ZNF730: variants seen among roughly 807,000 people sequenced by gnomAD.
The protein encoded by ZNF730 is putative zinc finger protein 730.
ZNF730 carries 12 observed loss-of-function variants against 12.6 expected under a neutral mutation model. That is an observed-to-expected ratio of 0.95 (90% confidence interval 0.61 to 1.54). The LOEUF (loss-of-function observed/expected upper bound fraction) is 1.54. Among genes scored for constraint, ZNF730 ranks in the 40% most tolerant of loss-of-function variants. The pLI is 0.00. For missense variants in ZNF730, 643 were observed against 583.5 expected (o/e 1.10, Z -1.05); for synonymous variants, 194 against 195.8 (o/e 0.99, Z 0.08).
upstream of ZNF730, among the ~76,000 whole-genome samples, chr19:23,112,735 G>GAA (rs35045584): frequency 1.0e-4 from 14 of 140,398 alleles, no homozygotes; most frequent in African/African-American, 3.3e-4. Flanking sequence ...AAAAATAGAA[G>GAA]AAAAAAAAAA....
At chr19:23,112,347 T>C (rs1408318649), upstream of ZNF730, among the ~76,000 whole-genome samples, 1 of 152,214 alleles carries the variant, frequency 6.6e-6, no homozygotes, top group African/African-American at 2.4e-5. Flanking sequence ...AAAGCATCTT[T>C]TGTGTGCACT....
At chr19:23,121,780 T>C (rs978668530) in intron 1 of ZNF730, among the ~76,000 whole-genome samples, 10 of 152,240 alleles carry the variant, frequency 6.6e-5, no homozygotes, top group Non-Finnish European at 1.5e-4. Flanking sequence ...TCTACTGAAG[T>C]TCAGATGTCC....
chr19:23,119,932 T>C (rs946442669), intron 1 of ZNF730, among the ~76,000 whole-genome samples: 1 of 152,126 alleles, frequency 6.6e-6, no homozygotes, highest in African/African-American at 2.4e-5. Flanking sequence ...TACTTGTTTT[T>C]CTTTGTACAT....
intron 3 of ZNF730, chr19:23,143,559 T>A (rs1970959492): frequency 6.6e-6 from 1 of 152,264 alleles, no homozygotes; most frequent in Non-Finnish European, 1.5e-5. Flanking sequence ...TGAATCCTTT[T>A]ATTTTCCGTT....
At chr19:23,142,081 AAC>A (rs1216926545) in intron 3 of ZNF730, among the ~76,000 whole-genome samples, 4 of 152,218 alleles carry the variant, frequency 2.6e-5, no homozygotes, top group African/African-American at 9.6e-5. Context: ...CATACACAGA[AAC>A]ACACGTGTAT....
chr19:23,108,837 C>G (rs145783176), intron 1 of ZNF730, among the ~76,000 whole-genome samples: 6 of 151,292 alleles, frequency 4.0e-5, no homozygotes, highest in African/African-American at 1.2e-4. Flanking sequence ...GCAACCTCTG[C>G]CTCCCAGGTT....
chr19:23,093,573 C>T (rs576681263), intron 1 of ZNF730, among the ~76,000 whole-genome samples: 28 of 152,278 alleles, frequency 1.8e-4, no homozygotes, highest in Admixed American at 1.4e-3. Context: ...GCTTGATCCC[C>T]GGGCTGGGAC....
intron 1 of ZNF730, among the ~76,000 whole-genome samples, chr19:23,097,562 T>C (rs1970274199): frequency 6.6e-6 from 1 of 152,142 alleles, no homozygotes; most frequent in South Asian, 2.1e-4. Context: ...ATTTGTCTCC[T>C]GCCTACACCC....
rs554609872 is a variant in ZNF730 at position 23,121,576 on chromosome 19, G to C, written c.3+4400G>C. On this transcript the variant is annotated intron_variant, in intron 1 of 3. Transcript: ENST00000597761. ...AGGCTGGTCTTGAACTCCTGACCTC[G>C]TGATCCACCTGCCTCAGCCTCCCAA... 4.6e-5 allele frequency among the ~76,000 whole-genome samples: 7 copies of C among 152,214 alleles called. No individual in the cohort carries two copies. The South Asian group carries it at 1.5e-3, about 32-fold the overall frequency.
At chr19:23,129,981 G>A (rs1382496209) in intron 1 of ZNF730, among the ~76,000 whole-genome samples, 7 of 143,648 alleles carry the variant, frequency 4.9e-5, no homozygotes, top group African/African-American at 7.9e-5. Context: ...GTGCTGGAGC[G>A]AGACTCCGCC....
At chr19:23,099,851 CAT>C (rs1970308838) in intron 1 of ZNF730, among the ~76,000 whole-genome samples, 2 of 152,152 alleles carry the variant, frequency 1.3e-5, no homozygotes, top group African/African-American at 2.4e-5. Context: ...TACCCAGTGA[CAT>C]ATTAGGGGAC....
intron 1 of ZNF730, among the ~76,000 whole-genome samples, chr19:23,098,694 A>G (rs1168446687): frequency 6.6e-6 from 1 of 152,080 alleles, no homozygotes; most frequent in East Asian, 1.9e-4. Flanking sequence ...CCATTGGTTG[A>G]GAACTCAGGT....
chr19:23,076,953 T>C (rs1969872256), intron 1 of ZNF730, among the ~76,000 whole-genome samples: 1 of 152,144 alleles, frequency 6.6e-6, no homozygotes, highest in South Asian at 2.1e-4. Flanking sequence ...CTATCAATGA[T>C]AGACTCAATA....
intron 1 of ZNF730, among the ~76,000 whole-genome samples, chr19:23,089,990 G>A (rs530849206): frequency 6.6e-6 from 1 of 152,310 alleles, no homozygotes; most frequent in South Asian, 2.1e-4. Context: ...GCTCATGCCT[G>A]TAATCCCAGC....
chr19:23,137,879 T>C (rs1970855508), intron 3 of ZNF730, among the ~76,000 whole-genome samples: 1 of 152,216 alleles, frequency 6.6e-6, no homozygotes, highest in African/African-American at 2.4e-5. Flanking sequence ...CATTATATTT[T>C]TGGGCAGAGT....
intron 1 of ZNF730, among the ~76,000 whole-genome samples, chr19:23,094,423 ATAGATAGGTAGGTAGG>A (rs1970215831): frequency 6.6e-6 from 1 of 150,702 alleles, no homozygotes; most frequent in Non-Finnish European, 1.5e-5. Flanking sequence ...TGGGCACTCT[ATAGATAGGTAGGTAGG>A]TAGGTGGTAG....
chr19:23,101,989 G>T (rs1970340825), intron 1 of ZNF730, among the ~76,000 whole-genome samples: 1 of 152,086 alleles, frequency 6.6e-6, no homozygotes, highest in Non-Finnish European at 1.5e-5. Context: ...TTTTGCCTGT[G>T]CCCTAACTAT....
chr19:23,127,809 G>T, intron 1 of ZNF730: 1 of 706,934 alleles, frequency 1.4e-6, no homozygotes, highest in East Asian at 2.5e-5. Context: ...TGCTCCACAG[G>T]ATGATAGTTT....
At position 23,146,195 on chromosome 19, in the gene ZNF730, C is replaced by G. The variant is rs758848157; in HGVS notation, c.1151C>G (p.Thr384Ser). 1.9e-6 allele frequency: 3 copies of G among 1,609,248 alleles called. No homozygotes were observed. The African/African-American group carries it at 4.0e-5, about 22-fold the overall frequency. Residue 384 changes from threonine to serine, a missense_variant, in exon 4 of 4, where the codon ACT becomes AGT. Physicochemically the swap from Thr to Ser is moderately conservative, Grantham distance 58. Coordinates refer to ENST00000597761, the MANE Select transcript of ZNF730 (RefSeq NM_001277403.2). ...GKAFNQSSTL[T>S]IHKIIHTVEK... ...GCTTTTAACCAATCCTCAACTCTTA[C>G]TATACATAAGATAATTCATACTGTA...
Sources: allele counts gnomAD v4.1 joint callset (sites outside exome capture counted in the v4.1 genomes callset), GRCh38; gene constraint gnomAD v4.1.1; transcripts MANE v1.5; gene names NCBI Gene and HGNC (gene_info 2026-07-23, HGNC 2026-07-21).